Variants in ITGA9 observed in about 807,000 individuals in gnomAD.
ITGA9 encodes the protein integrin subunit alpha 9, also known as integrin alpha-9.
ITGA9 carries 56 observed loss-of-function variants against 127.8 expected under a neutral mutation model. The observed-to-expected ratio is 0.44, with a 90% CI of 0.35 to 0.55. The LOEUF (loss-of-function observed/expected upper bound fraction) is 0.55. Ranked by LOEUF, ITGA9 falls within the 20% of genes least tolerant of loss-of-function variation. The pLI is 0.00. For synonymous variants in ITGA9, 508 were observed against 514.5 expected (o/e 0.99, Z 0.17); for missense variants, 1,196 against 1,347.1 (o/e 0.89, Z 1.76).
rs564791739 is a variant in ITGA9 at position 37,819,103 on chromosome 3, T to C, written c.*114T>C. ...GATTTTTCGGAGGCCCCACTGATGCTGTTCTCTTCTTCATTCTATCAAGCC... is the reference window on the plus strand; with the variant it reads ...GATTTTTCGGAGGCCCCACTGATGCCGTTCTCTTCTTCATTCTATCAAGCC... On this transcript the variant is annotated 3_prime_UTR_variant, in exon 28 of 28. Coordinates refer to ENST00000264741, the MANE Select transcript of ITGA9 (RefSeq NM_002207.3). 138 of 812,144 alleles carry C rather than the reference T, an allele frequency of 1.7e-4. 1 individual carries two copies. In the South Asian group the frequency reaches 1.9e-3, roughly 11 times the overall value. 50.3% of individuals were successfully genotyped at this position (812,144 alleles called of 1,614,324 possible). A position where few individuals can be genotyped will look rare whatever the true frequency, so the allele number is the denominator to read the frequency against.
Position 37,552,994 on chromosome 3 carries a change from G to C in ITGA9, c.1689+10409G>C, listed in dbSNP as rs6789498. 2.8e-3 allele frequency among the ~76,000 whole-genome samples: 397 copies of C among 142,582 alleles called. 2 individuals are homozygous for C. The highest frequency in any genetic ancestry group is 9.7e-3 in the African/African-American group (366 of 37,772). The allele number at this position is 142,582 out of a possible 152,430, so 93.5% of individuals were successfully genotyped here. A position where few individuals can be genotyped will look rare whatever the true frequency, so the allele number is the denominator to read the frequency against. ...TGTGCCACTGCACTCCAGCCTAGGA[G>C]ACCGAGCAAGACTCCATCTAAAAAA... On this transcript the variant is annotated intron_variant, in intron 15 of 27. Transcript: ENST00000264741.
At chr3:37,805,339 G>A (rs1019620457) in intron 27 of ITGA9, among the ~76,000 whole-genome samples, 7 of 151,664 alleles carry the variant, frequency 4.6e-5, no homozygotes, top group Admixed American at 3.3e-4. Flanking sequence ...GTGAACCAAC[G>A]CACCTGGCCT....
At chr3:37,748,743 G>A in intron 22 of ITGA9, 1 of 542,406 alleles carries the variant, frequency 1.8e-6, no homozygotes, top group Non-Finnish European at 3.2e-6. Context: ...GCAAGACTCT[G>A]TCTTAAAAAA....
At chr3:37,771,981 G>T (rs571733845) in intron 23 of ITGA9, among the ~76,000 whole-genome samples, 2 of 152,294 alleles carry the variant, frequency 1.3e-5, no homozygotes, top group Admixed American at 1.3e-4. Context: ...GGTAGTGCAG[G>T]AAAGTGGTGA....
At chr3:37,458,003 G>C (rs1457094050) in intron 1 of ITGA9, among the ~76,000 whole-genome samples, 1 of 152,198 alleles carries the variant, frequency 6.6e-6, no homozygotes, top group African/African-American at 2.4e-5. Context: ...GATTTGTTCA[G>C]GGAAAATGTT....
At chr3:37,763,626 C>G (rs1033479612) in intron 23 of ITGA9, among the ~76,000 whole-genome samples, 1 of 152,166 alleles carries the variant, frequency 6.6e-6, no homozygotes, top group Non-Finnish European at 1.5e-5. Flanking sequence ...TCAGAAAAGT[C>G]CTGGATTTTA....
rs141029441 is a variant in ITGA9, at chr3:37,579,352, G to C, written c.1689+36767G>C. 9.0e-4 allele frequency among the ~76,000 whole-genome samples: 137 copies of C among 152,276 alleles called. 1 individual carries two copies. The highest frequency in any genetic ancestry group is 3.2e-3 in the African/African-American group (133 of 41,558). ...CACCATCCTCAGAACATGGCTTCCA[G>C]TTTCAAAGTTACCTTATGGCCCAAT... On this transcript the variant is annotated intron_variant, in intron 15 of 27. Transcript: ENST00000264741.
chr3:37,539,596 A>G lies in ITGA9; in HGVS notation c.1529-2829A>G, dbSNP rs376001201. 2.6e-5 allele frequency among the ~76,000 whole-genome samples: 4 copies of G among 152,224 alleles called. No individual in the cohort carries two copies. In the East Asian group the frequency reaches 7.7e-4, roughly 29 times the overall value. ...GTCTTTTTCTCTTAAAACCTTCAAC[A>G]GATGAGGCTTGCCCACATTTTGGAG... is the stretch of plus-strand genomic sequence containing the variant. On this transcript the variant is annotated intron_variant, in intron 14 of 27. Coordinates refer to ENST00000264741, the MANE Select transcript of ITGA9 (RefSeq NM_002207.3).
chr3:37,649,770 T>G (rs1313114910), intron 16 of ITGA9, among the ~76,000 whole-genome samples: 1 of 152,238 alleles, frequency 6.6e-6, no homozygotes, highest in Non-Finnish European at 1.5e-5. Flanking sequence ...ACATTCATTT[T>G]TCTCAAGTAG....
intron 16 of ITGA9, among the ~76,000 whole-genome samples, chr3:37,636,261 C>G (rs77154124): frequency 0.51 from 77,317 of 151,772 alleles, 19,915 homozygotes; most frequent in African/African-American, 0.58. Flanking sequence ...GTGTAAAAGT[C>G]TTCCTATTTC....
chr3:37,479,940 T>C (rs373044273), intron 3 of ITGA9, among the ~76,000 whole-genome samples: 30 of 152,288 alleles, frequency 2.0e-4, no homozygotes, highest in Admixed American at 3.3e-4. Context: ...CGCTAAATGT[T>C]ATCACTTACG....
chr3:37,766,012 T>G (rs1696776199), intron 23 of ITGA9, among the ~76,000 whole-genome samples: 1 of 152,196 alleles, frequency 6.6e-6, no homozygotes, highest in African/African-American at 2.4e-5. Context: ...GGTGAGGAGT[T>G]TGCTTACGTT....
chr3:37,732,561 G>T, intron 18 of ITGA9, 151 bp from the exon 19 acceptor site: 1 of 694,728 alleles, frequency 1.4e-6, no homozygotes, highest in Admixed American at 2.1e-5. Context: ...GCAGCTGGAA[G>T]GGGGCTGGAG....
At chr3:37,818,769 C>G in intron 27 of ITGA9, 122 bp from the exon 28 acceptor site, 1 of 750,000 alleles carries the variant, frequency 1.3e-6, no homozygotes, top group Non-Finnish European at 2.4e-6. Context: ...CCGAGGGGTC[C>G]TCCAAGCCTC....
intron 25 of ITGA9, among the ~76,000 whole-genome samples, 177 bp from the exon 26 acceptor site, chr3:37,784,800 G>A (rs1194308135): frequency 1.3e-5 from 2 of 152,186 alleles, no homozygotes; most frequent in African/African-American, 2.4e-5. Flanking sequence ...GAATCCTTAA[G>A]AGAGACCCTA....
chr3:37,704,205 A>C (rs1315661589), intron 18 of ITGA9, among the ~76,000 whole-genome samples: 4 of 152,152 alleles, frequency 2.6e-5, no homozygotes, highest in Non-Finnish European at 5.9e-5. Flanking sequence ...GGAAGCATTG[A>C]TGAATTTTCT....
rs550745379 is a variant in ITGA9 at position 37,566,238 on chromosome 3, T to A, written c.1689+23653T>A. On this transcript the variant is annotated intron_variant, in intron 15 of 27. Transcript: ENST00000264741. ...GTAGTCCTGAACCCTTTATCTGCTG[T>A]TTTTTCAATCTGATAACTGAGACAG... Among the ~76,000 whole-genome samples the A allele has an allele frequency of 7.9e-5, 12 of 152,274 alleles. No homozygotes were observed. In the East Asian group the frequency reaches 2.3e-3, roughly 29 times the overall value.
At chr3:37,468,719 A>G (rs755317121) in intron 1 of ITGA9, among the ~76,000 whole-genome samples, 3 of 152,194 alleles carry the variant, frequency 2.0e-5, no homozygotes, top group Non-Finnish European at 4.4e-5. Context: ...GGGTCATCCT[A>G]ACCTCTGCTA....
chr3:37,618,089 G>A (rs989493732), intron 15 of ITGA9, among the ~76,000 whole-genome samples: 1 of 152,128 alleles, frequency 6.6e-6, no homozygotes, highest in Non-Finnish European at 1.5e-5. Flanking sequence ...CCATCTTTGT[G>A]GTTTTATGTA....
Sources: allele counts gnomAD v4.1 joint callset (sites outside exome capture counted in the v4.1 genomes callset), GRCh38; gene constraint gnomAD v4.1.1; transcripts MANE v1.5; gene names NCBI Gene and HGNC (gene_info 2026-07-23, HGNC 2026-07-21).